The following AGAP1 variants were observed in gnomAD, a reference collection of about 807,000 sequenced individuals.
The protein encoded by AGAP1 is arf-GAP with GTPase, ANK repeat and PH domain-containing protein 1.
AGAP1 carries 29 observed loss-of-function variants against 105.3 expected under a neutral mutation model. The ratio of observed to expected loss-of-function variants is 0.28; its 90% CI spans 0.21 to 0.38. The LOEUF (loss-of-function observed/expected upper bound fraction) is 0.38. Ranked by LOEUF, AGAP1 falls within the 10% of genes least tolerant of loss-of-function variation. The pLI is 1.00. For missense variants in AGAP1, 998 were observed against 1,165.1 expected (o/e 0.86, Z 2.09); for synonymous variants, 509 against 485.9 (o/e 1.05, Z -0.63).
Position 235,555,585 on chromosome 2 carries a change from T to C in AGAP1, c.163+60736T>C, listed in dbSNP as rs1265180770. Among the ~76,000 whole-genome samples the C allele has an allele frequency of 6.6e-6, 1 of 152,140 alleles. No homozygotes were observed. The highest frequency in any genetic ancestry group is 1.9e-4 in the East Asian group (1 of 5,188). On this transcript the variant is annotated intron_variant, in intron 1 of 17. Transcript: ENST00000304032. The surrounding 1 kb of genome is among the most constrained non-coding windows in gnomAD (Gnocchi z 5.1). The stretch of plus-strand genomic sequence containing the variant: ...CCTGCAGCAGGAAGAGGTAGTCATG[T>C]TTGGAGGCCGGGCTGTGCATGAGCT...
At chr2:235,762,428 G>A (rs1214829003) in intron 6 of AGAP1, among the ~76,000 whole-genome samples, 1 of 140,828 alleles carries the variant, frequency 7.1e-6, no homozygotes, top group Non-Finnish European at 1.6e-5. Context: ...TAAAGGTTGG[G>A]TTCTGGAATC....
rs1014635987 is a variant in AGAP1 at position 235,887,158 on chromosome 2, C to T, written c.1155+3709C>T. 6.6e-6 allele frequency among the ~76,000 whole-genome samples: 1 copy of T among 152,200 alleles called. No individual in the cohort carries two copies. ...TGATCTCAGTTAAACACGGACCATG[C>T]TGTGACACCCACATCCTTGGCTATC... On this transcript the variant is annotated intron_variant, in intron 10 of 17. Transcript: ENST00000304032. The surrounding 1 kb of genome is among the most constrained non-coding windows in gnomAD (Gnocchi z 4.1).
At chr2:235,834,445 G>A (rs945978543) in intron 9 of AGAP1, among the ~76,000 whole-genome samples, 3 of 152,156 alleles carry the variant, frequency 2.0e-5, no homozygotes, top group African/African-American at 4.8e-5. Flanking sequence ...CCCCCGCTGC[G>A]TCCTGTCCTC....
At chr2:235,772,354 C>T (rs560016908) in intron 6 of AGAP1, among the ~76,000 whole-genome samples, 2 of 152,214 alleles carry the variant, frequency 1.3e-5, no homozygotes, top group East Asian at 3.9e-4. Flanking sequence ...TATGACAGAC[C>T]ACACTGAGAA....
rs1951761537 is a variant in AGAP1, at chr2:235,728,328, C to CGCGCGT, written c.310+10685_310+10686insCGCGTG. On this transcript the variant is annotated intron_variant, in intron 3 of 17. Transcript: ENST00000304032. The surrounding 1 kb of genome is among the most constrained non-coding windows in gnomAD (Gnocchi z 4.3). Reference sequence around the variant, plus strand: ...GTGTGTGTGTGTGTGTGTGTGTGTGCGTGCTCTTAAATCAATGTAAATTAG... The same window carrying CGCGCGT: ...GTGTGTGTGTGTGTGTGTGTGTGTGCGCGCGTGTGCTCTTAAATCAATGTAAATTAG... 7.5e-6 allele frequency among the ~76,000 whole-genome samples: 1 copy of CGCGCGT among 133,170 alleles called. No individual in the cohort carries two copies. The highest frequency in any genetic ancestry group is 7.2e-5 in the Admixed American group (1 of 13,834). The allele number at this position is 133,170 out of a possible 152,430, so 87.4% of individuals were successfully genotyped here.
chr2:235,509,892 TTTGCCTTGTG>T (rs1941998448), intron 1 of AGAP1, among the ~76,000 whole-genome samples: 1 of 152,030 alleles, frequency 6.6e-6, no homozygotes, highest in Admixed American at 6.5e-5. Context: ...AGCCACTCCC[TTTGCCTTGTG>T]TTACCCCCTG....
chr2:236,006,705 G>C (rs1188357451), intron 13 of AGAP1, among the ~76,000 whole-genome samples: 1 of 152,116 alleles, frequency 6.6e-6, no homozygotes, highest in Non-Finnish European at 1.5e-5. Flanking sequence ...TCCAACAAAG[G>C]TCTCTGTTGG....
chr2:235,562,585 G>A (rs902941519), intron 1 of AGAP1, among the ~76,000 whole-genome samples: 12 of 152,010 alleles, frequency 7.9e-5, no homozygotes, highest in African/African-American at 2.7e-4. Context: ...GCAGACTCAG[G>A]ACTATCTCTG....
chr2:235,821,224 A>G (rs1958769003), intron 9 of AGAP1, among the ~76,000 whole-genome samples: 1 of 152,226 alleles, frequency 6.6e-6, no homozygotes, highest in Non-Finnish European at 1.5e-5. Context: ...AGCCATTAAA[A>G]TGGCCAATTT....
At chr2:236,071,639 G>A (rs1032269055) in intron 16 of AGAP1, among the ~76,000 whole-genome samples, 9 of 152,256 alleles carry the variant, frequency 5.9e-5, no homozygotes, top group Non-Finnish European at 1.0e-4. Flanking sequence ...GATCTGCGGT[G>A]GACTGGCCAG....
intron 1 of AGAP1, among the ~76,000 whole-genome samples, chr2:235,591,308 G>A (rs1261096806): frequency 3.3e-5 from 5 of 152,210 alleles, no homozygotes; most frequent in Middle Eastern, 3.2e-3. Flanking sequence ...GAGCCACTGC[G>A]CCCAGCCCTG....
Position 235,961,863 on chromosome 2 carries a change from G to A in AGAP1, c.1484-6599G>A, listed in dbSNP as rs934147947. On this transcript the variant is annotated intron_variant, in intron 12 of 17. Coordinates refer to ENST00000304032, the MANE Select transcript of AGAP1 (RefSeq NM_001037131.3). The surrounding 1 kb of genome is among the most constrained non-coding windows in gnomAD (Gnocchi z 5.9). Reference sequence around the variant, plus strand: ...CAGCCTGGTGACAGAGCAAGACTTCGTCACACACACGCACAAAAAAGTGAG... The same window carrying A: ...CAGCCTGGTGACAGAGCAAGACTTCATCACACACACGCACAAAAAAGTGAG... Among the ~76,000 whole-genome samples, 19 of 152,266 alleles carry A rather than the reference G, an allele frequency of 1.2e-4. No homozygotes were observed. Among genetic ancestry groups the A allele is most frequent in the South Asian group, 6.2e-4 (3 of 4,828 alleles).
chr2:235,536,964 A>T (rs1026669586), intron 1 of AGAP1, among the ~76,000 whole-genome samples: 4 of 149,830 alleles, frequency 2.7e-5, no homozygotes, highest in African/African-American at 4.9e-5. Context: ...AGCCTGACCA[A>T]CTCCTCCGTG....
At position 235,622,799 on chromosome 2, in the gene AGAP1, T is replaced by TCAGGGCAGG. The variant is rs1946527624; in HGVS notation, c.164-86377_164-86369dup. On this transcript the variant is annotated intron_variant, in intron 1 of 17. Transcript: ENST00000304032. This position sits in a 1 kb window ranked among gnomAD's most constrained non-coding sequence, Gnocchi z 5.0. ...CCAGGCCGGGTTATGCAGTGAGACT[T>TCAGGGCAGG]CAGGGCAGGCACACATGTCGCTTCC... Among the ~76,000 whole-genome samples the TCAGGGCAGG allele has an allele frequency of 6.6e-6, 1 of 151,994 alleles. No individual in the cohort carries two copies. The highest frequency in any genetic ancestry group is 2.4e-5 in the African/African-American group (1 of 41,382).
chr2:236,109,714 C>A lies in AGAP1; in HGVS notation c.2115-10478C>A, dbSNP rs1178513298. Among the ~76,000 whole-genome samples the A allele has an allele frequency of 1.3e-5, 2 of 152,172 alleles. No homozygotes were observed. The highest frequency in any genetic ancestry group is 2.9e-5 in the Non-Finnish European group (2 of 68,024). On this transcript the variant is annotated intron_variant, in intron 16 of 17. Coordinates refer to ENST00000304032, the MANE Select transcript of AGAP1 (RefSeq NM_001037131.3). The surrounding 1 kb of genome is among the most constrained non-coding windows in gnomAD (Gnocchi z 5.4). Reference sequence around the variant, plus strand: ...GTGGAAACGTTCTGGATCCGAGCATCCCAGGGTAGCAGCTGCCAACCACAT... The same window carrying A: ...GTGGAAACGTTCTGGATCCGAGCATACCAGGGTAGCAGCTGCCAACCACAT...
Position 236,044,649 on chromosome 2 carries a change from G to A in AGAP1, c.1891+3808G>A, listed in dbSNP as rs1043765394. ...AGATAGCTCACCACAACCTACAGTAGGAGCACATCCAGGCTCTCATCTTTA... is the reference window on the plus strand; with the variant it reads ...AGATAGCTCACCACAACCTACAGTAAGAGCACATCCAGGCTCTCATCTTTA... On this transcript the variant is annotated intron_variant, in intron 15 of 17. Transcript: ENST00000304032. This position sits in a 1 kb window ranked among gnomAD's most constrained non-coding sequence, Gnocchi z 5.7. Among the ~76,000 whole-genome samples the A allele has an allele frequency of 6.6e-6, 1 of 152,144 alleles. No individual in the cohort carries two copies. Among genetic ancestry groups the A allele is most frequent in the African/African-American group, 2.4e-5 (1 of 41,430 alleles).
Position 236,009,593 on chromosome 2 carries a change from T to G in AGAP1, c.1646-26968T>G, listed in dbSNP as rs764628794. ...TTAGAGGTACAAATTTACGCTCCCTTCTATGAATAGAGAGGGCTATTTGTT... is the reference window on the plus strand; with the variant it reads ...TTAGAGGTACAAATTTACGCTCCCTGCTATGAATAGAGAGGGCTATTTGTT... On this transcript the variant is annotated intron_variant, in intron 13 of 17. Coordinates refer to ENST00000304032, the MANE Select transcript of AGAP1 (RefSeq NM_001037131.3). This position sits in a 1 kb window ranked among gnomAD's most constrained non-coding sequence, Gnocchi z 4.2. Among the ~76,000 whole-genome samples the G allele has an allele frequency of 5.3e-5, 8 of 152,220 alleles. No individual in the cohort carries two copies. Among genetic ancestry groups the G allele is most frequent in the Non-Finnish European group, 8.8e-5 (6 of 68,042 alleles).
rs577164349 is a variant in AGAP1, at chr2:235,612,689, T to G, written c.164-96490T>G. Among the ~76,000 whole-genome samples the G allele has an allele frequency of 7.2e-5, 11 of 152,220 alleles. No individual in the cohort carries two copies. Among genetic ancestry groups the G allele is most frequent in the African/African-American group, 2.6e-4 (11 of 41,512 alleles). On this transcript the variant is annotated intron_variant, in intron 1 of 17. Coordinates refer to ENST00000304032, the MANE Select transcript of AGAP1 (RefSeq NM_001037131.3). This position sits in a 1 kb window ranked among gnomAD's most constrained non-coding sequence, Gnocchi z 4.3. The stretch of plus-strand genomic sequence containing the variant: ...TCCTGACCAGCGCATCCAGGGTTGC[T>G]TGGGCACAGTGGTCCTTTTGCATGG...
intron 16 of AGAP1, among the ~76,000 whole-genome samples, chr2:236,066,317 C>T (rs1019685342): frequency 2.0e-5 from 3 of 152,232 alleles, no homozygotes; most frequent in African/African-American, 7.2e-5. Context: ...CCTCTGCCTC[C>T]TGGACTCAAG....
Sources: gnomAD v4.1 joint callset for allele counts (sites outside exome capture counted in the v4.1 genomes callset) on GRCh38, gnomAD v4.1.1 for gene constraint, Gnocchi (gnomAD v3.1) non-coding constraint, MANE v1.5 for transcripts, NCBI Gene and HGNC (gene_info 2026-07-23, HGNC 2026-07-21) for gene names.